DNM1L: variants seen among roughly 807,000 people sequenced by gnomAD.
DNM1L encodes the protein dynamin-1-like protein.
A neutral mutation model predicts 92.8 loss-of-function variants in DNM1L; 33 were observed. The ratio of observed to expected loss-of-function variants is 0.36; its 90% CI spans 0.27 to 0.48. DNM1L has a LOEUF of 0.48. DNM1L is among the 20% of genes least tolerant of loss of function. DNM1L has a pLI of 0.99. For missense variants in DNM1L, 485 were observed against 888.8 expected, an observed-to-expected ratio of 0.55 and a Z score of 5.78; for synonymous variants, 284 against 305.0, an observed-to-expected ratio of 0.93 and a Z score of 0.72.
At position 32,743,595 on chromosome 12, in the gene DNM1L, T is replaced by C; in HGVS notation, c.*185T>C. 1 of 597,416 alleles carries C rather than the reference T, an allele frequency of 1.7e-6. No homozygotes were observed. 37.0% of individuals were successfully genotyped at this position (597,416 alleles called of 1,614,324 possible). Reference sequence around the variant, plus strand: ...CACATCACACATTTAATCCAAATAATAAATGGCTGTTTCTAAAGTTTCCCA... The same window carrying C: ...CACATCACACATTTAATCCAAATAACAAATGGCTGTTTCTAAAGTTTCCCA... On this transcript the variant is annotated 3_prime_UTR_variant, in exon 20 of 20. Coordinates refer to ENST00000549701, the MANE Select transcript of DNM1L (RefSeq NM_012062.5).
chr12:32,729,519 A>G (rs979577736), intron 9 of DNM1L, among the ~76,000 whole-genome samples: 5 of 152,142 alleles, frequency 3.3e-5, no homozygotes, highest in African/African-American at 1.2e-4. Context: ...GCAGTGGCAC[A>G]GTTTGGGCCA....
intron 19 of DNM1L, among the ~76,000 whole-genome samples, chr12:32,743,147 G>A (rs569557998): frequency 1.3e-5 from 2 of 151,428 alleles, no homozygotes; most frequent in South Asian, 4.2e-4. Flanking sequence ...CGCCCGCCTC[G>A]ACCTCCCAAA....
chr12:32,712,899 T>TA, intron 5 of DNM1L, among the ~76,000 whole-genome samples: 1 of 152,172 alleles, frequency 6.6e-6, no homozygotes, highest in Admixed American at 6.6e-5. Context: ...GTGCCTAAAA[T>TA]AGAGTAGGCT....
At chr12:32,722,261 G>GCTGA (rs1274603514) in intron 8 of DNM1L, among the ~76,000 whole-genome samples, 166 bp from the exon 9 acceptor site, 1 of 152,166 alleles carries the variant, frequency 6.6e-6, no homozygotes, top group Non-Finnish European at 1.5e-5. Context: ...GATTTTAGGA[G>GCTGA]CTGACTGCCA....
intron 2 of DNM1L, chr12:32,705,990 G>T: frequency 1.3e-6 from 1 of 764,126 alleles, no homozygotes; most frequent in Non-Finnish European, 1.9e-6. Context: ...ATTGATTGCA[G>T]GTTTTAGTGG....
At chr12:32,693,722 C>T (rs1299363922) in intron 1 of DNM1L, among the ~76,000 whole-genome samples, 6 of 152,100 alleles carry the variant, frequency 3.9e-5, no homozygotes, top group Non-Finnish European at 8.8e-5. Flanking sequence ...ACTGCAGCCT[C>T]AATCCCCTGG....
At chr12:32,720,959 G>T (rs1406846978) in intron 8 of DNM1L, among the ~76,000 whole-genome samples, 164 bp downstream of exon 8, 1 of 152,018 alleles carries the variant, frequency 6.6e-6, no homozygotes, top group Non-Finnish European at 1.5e-5. Flanking sequence ...GTTTTTATTG[G>T]GGTGGTTGAC....
At chr12:32,712,953 G>A (rs1218057746) in intron 5 of DNM1L, among the ~76,000 whole-genome samples, 1 of 152,110 alleles carries the variant, frequency 6.6e-6, no homozygotes, top group African/African-American at 2.4e-5. Flanking sequence ...GAATGAATTT[G>A]TATCTAGCCA....
intron 5 of DNM1L, 76 bp downstream of exon 5, chr12:32,711,091 C>A: frequency 7.9e-7 from 1 of 1,258,658 alleles, no homozygotes; most frequent in Non-Finnish European, 1.2e-6. Context: ...TAATCAGCTT[C>A]TTTTTGCAAT....
At chr12:32,739,873 CTTTATTA>C in intron 16 of DNM1L, 184 bp from the exon 17 acceptor site, 1 of 654,446 alleles carries the variant, frequency 1.5e-6, no homozygotes, top group Non-Finnish European at 2.6e-6. Flanking sequence ...AGCAGAACTT[CTTTATTA>C]TTTAGATAGG....
intron 2 of DNM1L, 68 bp from the exon 3 acceptor site, chr12:32,707,298 CT>C: frequency 3.1e-6 from 4 of 1,303,748 alleles, no homozygotes; most frequent in Non-Finnish European, 4.4e-6. Context: ...ATTATGTTGC[CT>C]TTTTGAATTC....
At chr12:32,707,505 C>A in intron 3 of DNM1L, 92 bp downstream of exon 3, 3 of 911,786 alleles carry the variant, frequency 3.3e-6, no homozygotes, top group Non-Finnish European at 4.9e-6. Context: ...TTGGCAATTA[C>A]GTTATTTTAA....
At chr12:32,742,814 G>A in intron 19 of DNM1L, 66 bp downstream of exon 19, 1 of 1,572,784 alleles carries the variant, frequency 6.4e-7, no homozygotes, top group Non-Finnish European at 8.7e-7. Context: ...AGTTTTAAAT[G>A]CAGTTTGATT....
chr12:32,731,822 A>G lies in DNM1L; in HGVS notation c.1357-32A>G. 2 of 1,578,684 alleles carry G rather than the reference A, an allele frequency of 1.3e-6. No individual in the cohort carries two copies. The highest frequency in any genetic ancestry group is 1.3e-5 in the African/African-American group (1 of 74,210). ...ATGACTTAAAAAAAAAACAAAAAAC[A>G]AACACGTTTTTCTTTCATCTACCAT... On this transcript the variant is annotated intron_variant, in intron 11 of 19. Transcript: ENST00000549701. The surrounding 1 kb of genome is among the most constrained non-coding windows in gnomAD (Gnocchi z 5.1).
At chr12:32,719,034 A>T (rs1042969646) in intron 7 of DNM1L, among the ~76,000 whole-genome samples, 36 of 151,276 alleles carry the variant, frequency 2.4e-4, no homozygotes, top group African/African-American at 8.8e-4. Context: ...TCATTGTAGC[A>T]TCAACCTCTG....
At position 32,720,754 on chromosome 12, in the gene DNM1L, C is replaced by G. The variant is rs1953765299; in HGVS notation, c.831C>G (p.Ala277=). 8 of 1,613,600 alleles carry G rather than the reference C, an allele frequency of 5.0e-6. No individual in the cohort carries two copies. The highest frequency in any genetic ancestry group is 5.1e-6 in the Non-Finnish European group (6 of 1,179,864). The stretch of plus-strand genomic sequence containing the variant: ...TTCAAAAGAAATATCCATCTCTGGC[C>G]AATAGAAATGGAACAAAGTATCTTG... ...AFLQKKYPSL[A]NRNGTKYLAR... The change falls in exon 8 of 20, where the codon GCC becomes GCG. Residue 277 remains alanine, a synonymous_variant. Coordinates refer to ENST00000549701, the MANE Select transcript of DNM1L (RefSeq NM_012062.5).
intron 9 of DNM1L, 172 bp downstream of exon 9, chr12:32,722,805 G>T: frequency 1.9e-6 from 1 of 513,934 alleles, no homozygotes; most frequent in South Asian, 2.9e-5. Flanking sequence ...AATATGCTTT[G>T]TAAATGATAT....
intron 1 of DNM1L, among the ~76,000 whole-genome samples, chr12:32,696,918 A>C (rs11502797): frequency 0.15 from 23,130 of 150,106 alleles, 1,866 homozygotes; most frequent in Middle Eastern, 0.21. Context: ...AGCCACCACA[A>C]CCGGGCTGGT....
chr12:32,730,145 C>T (rs1954452469), intron 9 of DNM1L, among the ~76,000 whole-genome samples: 1 of 152,054 alleles, frequency 6.6e-6, no homozygotes, highest in African/African-American at 2.4e-5. Flanking sequence ...GTGGGCAGAT[C>T]ACGAGGTCAA....
Sources: gnomAD v4.1 joint callset for allele counts (sites outside exome capture counted in the v4.1 genomes callset) on GRCh38, gnomAD v4.1.1 for gene constraint, Gnocchi (gnomAD v3.1) non-coding constraint, MANE v1.5 for transcripts, NCBI Gene and HGNC (gene_info 2026-07-23, HGNC 2026-07-21) for gene names.